PALLD: variants seen among roughly 807,000 people sequenced by gnomAD.
PALLD encodes the protein palladin, cytoskeletal associated protein.
A neutral mutation model predicts 123.5 loss-of-function variants in PALLD; 61 were observed. The observed-to-expected ratio is 0.49, with a 90% CI of 0.40 to 0.61. The LOEUF is 0.61. PALLD is among the 20% of genes least tolerant of loss of function. The probability of loss-of-function intolerance (pLI) is 0.00; values close to 1 mark genes in which losing one functional copy is unlikely to be tolerated. For synonymous variants in PALLD, 465 were observed against 496.4 expected, an observed-to-expected ratio of 0.94 and a Z score of 0.84; for missense variants, 1,273 against 1,377.0, an observed-to-expected ratio of 0.92 and a Z score of 1.20.
At chr4:168,520,257 C>T (rs1003202821) in intron 2 of PALLD, among the ~76,000 whole-genome samples, 23 of 141,400 alleles carry the variant, frequency 1.6e-4, no homozygotes, top group Admixed American at 9.1e-4. Context: ...ATCCGGGAGG[C>T]GGAGCTTACA....
At chr4:168,693,236 T>C (rs1412844279) in intron 8 of PALLD, among the ~76,000 whole-genome samples, 2 of 151,780 alleles carry the variant, frequency 1.3e-5, no homozygotes, top group Non-Finnish European at 2.9e-5. Context: ...TGCATCTTCA[T>C]CACTTACCCT....
At chr4:168,767,438 A>T (rs1318891955) in intron 10 of PALLD, among the ~76,000 whole-genome samples, 1 of 152,226 alleles carries the variant, frequency 6.6e-6, no homozygotes, top group African/African-American at 2.4e-5. Context: ...GTATCCAGAG[A>T]TAACATTGTT....
At chr4:168,774,956 C>T (rs887296701) in intron 10 of PALLD, among the ~76,000 whole-genome samples, 23 of 152,064 alleles carry the variant, frequency 1.5e-4, no homozygotes, top group Non-Finnish European at 8.8e-5. Flanking sequence ...CTTTAAAATT[C>T]ATCCATGTCT....
At position 168,878,691 on chromosome 4, in the gene PALLD, G is replaced by GGGT. The variant is rs1553965746; in HGVS notation, c.1965-12229_1965-12227dup. Among the ~76,000 whole-genome samples, 8 of 149,762 alleles carry GGGT rather than the reference G, an allele frequency of 5.3e-5. No individual in the cohort carries two copies. The East Asian group carries it at 1.6e-3, about 31-fold the overall frequency. On this transcript the variant is annotated intron_variant, in intron 10 of 21. Transcript: ENST00000505667. ...CCTCTCTTAATCATTATGGGGGGGG[G>GGGT]GGTGCTTAGCTATCATTTATTGAGC...
At chr4:168,545,396 G>T (rs1346076697) in intron 2 of PALLD, among the ~76,000 whole-genome samples, 1 of 152,062 alleles carries the variant, frequency 6.6e-6, no homozygotes, top group Non-Finnish European at 1.5e-5. Context: ...GGGCGAGGTG[G>T]CAGGTGCCTG....
chr4:168,740,821 C>G (rs1788254240), intron 10 of PALLD, among the ~76,000 whole-genome samples: 1 of 152,180 alleles, frequency 6.6e-6, no homozygotes, highest in South Asian at 2.1e-4. Flanking sequence ...ATTCCAACAA[C>G]TCAGGAACTT....
In PALLD at chr4:168,711,531, T is replaced by C. The variant is rs778878699; in HGVS notation, c.1622-50T>C. On this transcript the variant is annotated intron_variant, in intron 9 of 21. Coordinates refer to ENST00000505667, the MANE Select transcript of PALLD (RefSeq NM_001166108.2). ...GACTCTGACAGTGTGAAATCACTTG[T>C]TGAACTAGTGGCATCTTCTTATGTT... The C allele has an allele frequency of 1.5e-5, 19 of 1,265,516 alleles. No individual in the cohort carries two copies. The East Asian group carries it at 4.2e-4, about 28-fold the overall frequency. The allele number at this position is 1,265,516 out of a possible 1,614,324, so 78.4% of individuals were successfully genotyped here.
At chr4:168,613,741 T>C (rs750898046) in intron 2 of PALLD, among the ~76,000 whole-genome samples, 1 of 152,168 alleles carries the variant, frequency 6.6e-6, no homozygotes, top group Non-Finnish European at 1.5e-5. Context: ...GGAGACAGAG[T>C]GTGCCCCAAG....
intron 2 of PALLD, among the ~76,000 whole-genome samples, chr4:168,569,905 T>A (rs918617903): frequency 1.3e-5 from 2 of 152,180 alleles, no homozygotes; most frequent in African/African-American, 4.8e-5. Flanking sequence ...CTTGTGTCTC[T>A]TTGCAATTCT....
In PALLD at chr4:168,873,498, CT is replaced by C. The variant is rs1751350443; in HGVS notation, c.1965-17422del. ...TTTATTATGAGCAGGGGATAAATTA[CT>C]TGCAATCCAGATATTGCTCCAGAGA... On this transcript the variant is annotated intron_variant, in intron 10 of 21. Transcript: ENST00000505667. 2.0e-5 allele frequency among the ~76,000 whole-genome samples: 3 copies of C among 152,198 alleles called. No individual in the cohort carries two copies. The South Asian group carries it at 6.2e-4, about 32-fold the overall frequency.
At chr4:168,594,704 C>G (rs1440752753) in intron 2 of PALLD, among the ~76,000 whole-genome samples, 1 of 152,120 alleles carries the variant, frequency 6.6e-6, no homozygotes, top group African/African-American at 2.4e-5. Flanking sequence ...ATGGTGTCAA[C>G]TACACATTCA....
chr4:168,703,006 C>T (rs1288993547), intron 8 of PALLD, among the ~76,000 whole-genome samples: 2 of 143,138 alleles, frequency 1.4e-5, no homozygotes, highest in African/African-American at 2.6e-5. Context: ...GCGCTGCACC[C>T]ACTAACTCGT....
intron 10 of PALLD, among the ~76,000 whole-genome samples, chr4:168,868,490 A>G (rs902622206): frequency 2.0e-5 from 3 of 152,224 alleles, no homozygotes; most frequent in Admixed American, 2.0e-4. Context: ...CCACACATTC[A>G]ACCATTGGCC....
At chr4:168,798,313 A>G (rs183352942) in intron 10 of PALLD, among the ~76,000 whole-genome samples, 2 of 152,356 alleles carry the variant, frequency 1.3e-5, no homozygotes, top group Non-Finnish European at 2.9e-5. Flanking sequence ...TTATATGTAA[A>G]GGAATAAAAG....
At chr4:168,601,016 G>T (rs1481616401) in intron 2 of PALLD, among the ~76,000 whole-genome samples, 1 of 152,048 alleles carries the variant, frequency 6.6e-6, no homozygotes, top group African/African-American at 2.4e-5. Flanking sequence ...ATGATGCAAG[G>T]ATATTAAGAA....
intron 10 of PALLD, among the ~76,000 whole-genome samples, chr4:168,749,262 C>T (rs1730710940): frequency 1.3e-5 from 2 of 152,282 alleles, no homozygotes; most frequent in South Asian, 4.2e-4. Context: ...GGTGCCATGC[C>T]TGTACATCCT....
At chr4:168,769,058 C>T (rs551846355) in intron 10 of PALLD, among the ~76,000 whole-genome samples, 2 of 152,342 alleles carry the variant, frequency 1.3e-5, no homozygotes, top group South Asian at 2.1e-4. Flanking sequence ...CATCTGACCT[C>T]GTGATCCGCC....
intron 10 of PALLD, among the ~76,000 whole-genome samples, chr4:168,835,598 AT>A (rs569687998): frequency 1.3e-5 from 2 of 151,438 alleles, no homozygotes; most frequent in Non-Finnish European, 1.5e-5. Context: ...AATTTAAGGG[AT>A]TTTTTTTAAA....
intron 10 of PALLD, among the ~76,000 whole-genome samples, chr4:168,768,264 C>A (rs1215228673): frequency 6.6e-6 from 1 of 152,128 alleles, no homozygotes; most frequent in Admixed American, 6.5e-5. Context: ...TATCATTGGG[C>A]AAACTTTAGT....
Sources: allele counts gnomAD v4.1 joint callset (sites outside exome capture counted in the v4.1 genomes callset), GRCh38; gene constraint gnomAD v4.1.1; transcripts MANE v1.5; gene names NCBI Gene and HGNC (gene_info 2026-07-23, HGNC 2026-07-21).